Variants in ERCC6L2 observed in about 807,000 individuals in gnomAD.
ERCC6L2 encodes DNA excision repair protein ERCC-6-like 2.
Under a neutral mutation model 132.0 loss-of-function variants are expected in ERCC6L2, and 77 were observed. The observed-to-expected ratio is 0.58, with a 90% CI of 0.49 to 0.71. The LOEUF is 0.71. ERCC6L2 is among the 30% of genes least tolerant of loss of function. The pLI is 0.00. For synonymous variants in ERCC6L2, 583 were observed against 632.4 expected, an observed-to-expected ratio of 0.92 and a Z score of 1.17; for missense variants, 1,542 against 1,837.6, an observed-to-expected ratio of 0.84 and a Z score of 2.94.
Position 95,958,636 on chromosome 9 carries a change from C to T in ERCC6L2, c.1947+2623C>T, listed in dbSNP as rs1447588531. ...GGTGAGCATTTTTTCATGAGTTTTT[C>T]GCTGCAAAAATCTCCTTAAGCTGAT... On this transcript the variant is annotated intron_variant, in intron 13 of 18. Transcript: ENST00000653738. Among the ~76,000 whole-genome samples the T allele has an allele frequency of 4.6e-5, 7 of 151,832 alleles. 1 individual carries two copies. The highest frequency in any genetic ancestry group is 1.3e-4 in the Admixed American group (2 of 15,214).
At chr9:95,951,736 A>G (rs1042531675) in intron 12 of ERCC6L2, among the ~76,000 whole-genome samples, 1 of 146,590 alleles carries the variant, frequency 6.8e-6, no homozygotes, top group African/African-American at 2.6e-5. Context: ...CAACCTAGGA[A>G]GAATGTCATG....
At position 95,923,607 on chromosome 9, in the gene ERCC6L2, C is replaced by G. The variant is rs548545187; in HGVS notation, c.1533+228C>G. Among the ~76,000 whole-genome samples, 66 of 152,276 alleles carry G rather than the reference C, an allele frequency of 4.3e-4. 2 individuals carry two copies. In the Middle Eastern group the frequency reaches 0.024, roughly 55 times the overall value. On this transcript the variant is annotated intron_variant, in intron 9 of 18. Coordinates refer to ENST00000653738, the MANE Select transcript of ERCC6L2 (RefSeq NM_020207.7). The stretch of plus-strand genomic sequence containing the variant: ...TGTAGTAGTTGCTTCAAATATACTT[C>G]AAATTTTCCTTATTGATATATTGGA...
At chr9:95,876,673 A>G (rs548585509) in intron 1 of ERCC6L2, 1 of 152,360 alleles carries the variant, frequency 6.6e-6, no homozygotes, top group African/African-American at 2.4e-5. Context: ...GTTTTCATTA[A>G]TAATTGTGCT....
At chr9:95,892,228 A>T (rs1221720112) in intron 2 of ERCC6L2, among the ~76,000 whole-genome samples, 3 of 152,084 alleles carry the variant, frequency 2.0e-5, no homozygotes, top group Admixed American at 6.5e-5. Context: ...ATTAATTAAT[A>T]AATTACTGCA....
chr9:96,008,402 G>T (rs1237601963), intron 18 of ERCC6L2, among the ~76,000 whole-genome samples: 1 of 152,196 alleles, frequency 6.6e-6, no homozygotes, highest in African/African-American at 2.4e-5. Context: ...TTGACTGGTA[G>T]TCTCTGAGTG....
intron 12 of ERCC6L2, among the ~76,000 whole-genome samples, chr9:95,948,817 A>AAGAAT (rs1189321283): frequency 6.6e-6 from 1 of 151,778 alleles, no homozygotes; most frequent in African/African-American, 2.4e-5. Flanking sequence ...AAGAAAAGAA[A>AAGAAT]AGAAAGAAAA....
intron 6 of ERCC6L2, 33 bp downstream of exon 6, chr9:95,916,467 G>T (rs750252567): frequency 2.1e-6 from 3 of 1,429,270 alleles, no homozygotes; most frequent in African/African-American, 2.9e-5. Flanking sequence ...TTATTAATTT[G>T]TGGTCATATT....
chr9:95,916,493 A>G (rs1470984137), intron 6 of ERCC6L2, 59 bp downstream of exon 6: 9 of 1,369,808 alleles, frequency 6.6e-6, no homozygotes, highest in East Asian at 2.6e-5. Context: ...TTTCCTTTTT[A>G]AGAAAAAGTC....
intron 14 of ERCC6L2, among the ~76,000 whole-genome samples, 190 bp from the exon 15 acceptor site, chr9:95,970,386 T>A (rs565918599): frequency 6.6e-6 from 1 of 152,326 alleles, no homozygotes; most frequent in East Asian, 1.9e-4. Context: ...ATTTTTAGAA[T>A]GTTATATAAA....
chr9:95,912,015 G>T (rs909738517), intron 4 of ERCC6L2, among the ~76,000 whole-genome samples: 1 of 151,984 alleles, frequency 6.6e-6, no homozygotes, highest in Non-Finnish European at 1.5e-5. Flanking sequence ...TCTCTTGCCC[G>T]CTTTAGGATG....
Position 95,875,910 on chromosome 9 carries a change from A to G in ERCC6L2, c.-129A>G. ...TCCATCCTGTGGCTTCGGGTTGCCG[A>G]AGAGCGATGCTCGGAGGGCGGCCGG... On this transcript the variant is annotated 5_prime_UTR_variant, in exon 1 of 19. Coordinates refer to ENST00000653738, the MANE Select transcript of ERCC6L2 (RefSeq NM_020207.7). 1 of 1,002,996 alleles carries G rather than the reference A, an allele frequency of 1.0e-6. No individual in the cohort carries two copies. The allele number at this position is 1,002,996 out of a possible 1,614,324, so 62.1% of individuals were successfully genotyped here.
At position 95,941,527 on chromosome 9, in the gene ERCC6L2, A is replaced by G. The variant is rs1830798767; in HGVS notation, c.1825A>G (p.Asn609Asp). The change falls in exon 12 of 19, where the codon AAT becomes GAT. Residue 609 changes from asparagine to aspartate, a missense_variant. This residue lies in a region of ERCC6L2 where 945 missense variants were observed against 1,105.2 expected (regional missense o/e 0.86). Coordinates refer to ENST00000653738, the MANE Select transcript of ERCC6L2 (RefSeq NM_020207.7). Reference sequence around the variant, plus strand: ...ATTTGATCCTACTTGGAATCCAGCCAATGATCTTCAAGCCATTGACAGGTA... The same window carrying G: ...ATTTGATCCTACTTGGAATCCAGCCGATGATCTTCAAGCCATTGACAGGTA... ...VLFDPTWNPA[N>D]DLQAIDRAYR... The G allele has an allele frequency of 1.2e-6, 2 of 1,612,928 alleles. No individual in the cohort carries two copies. Among genetic ancestry groups the G allele is most frequent in the Non-Finnish European group, 1.7e-6 (2 of 1,179,262 alleles).
chr9:96,006,645 G>A (rs1443773698), intron 18 of ERCC6L2, among the ~76,000 whole-genome samples: 5 of 152,216 alleles, frequency 3.3e-5, no homozygotes, highest in African/African-American at 1.2e-4. Flanking sequence ...TCATGTCAGA[G>A]AGGTGAAAAC....
intron 17 of ERCC6L2, among the ~76,000 whole-genome samples, chr9:95,998,094 C>T (rs1316043800): frequency 6.6e-6 from 1 of 152,132 alleles, no homozygotes; most frequent in Non-Finnish European, 1.5e-5. Context: ...TGGCCATATA[C>T]ACCTTTTCTG....
At chr9:95,899,590 T>TTATATATATATATATATA (rs150595611) in intron 3 of ERCC6L2, among the ~76,000 whole-genome samples, 20 of 138,480 alleles carry the variant, frequency 1.4e-4, no homozygotes, top group African/African-American at 5.6e-4. Context: ...TTTTTTCTCT[T>TTATATATATATATATATA]TATATATATA....
intron 17 of ERCC6L2, among the ~76,000 whole-genome samples, chr9:95,989,798 C>T (rs1405053368): frequency 6.6e-6 from 1 of 152,120 alleles, no homozygotes; most frequent in African/African-American, 2.4e-5. Context: ...AAGGTGCATA[C>T]CATTTTATAA....
intron 3 of ERCC6L2, among the ~76,000 whole-genome samples, chr9:95,903,285 C>T (rs1000064521): frequency 3.3e-5 from 5 of 152,136 alleles, no homozygotes; most frequent in Admixed American, 2.0e-4. Context: ...TATTTCTAGA[C>T]GTATTATTCT....
chr9:95,905,829 C>G (rs924832454), intron 3 of ERCC6L2, among the ~76,000 whole-genome samples: 1 of 152,080 alleles, frequency 6.6e-6, no homozygotes, highest in African/African-American at 2.4e-5. Context: ...GAAAACAGAG[C>G]AGAATTTAGA....
At chr9:95,935,681 T>A (rs16910382) in intron 11 of ERCC6L2, among the ~76,000 whole-genome samples, 18,383 of 152,072 alleles carry the variant, frequency 0.12, 1,250 homozygotes, top group African/African-American at 0.16. Context: ...AAAGCAACTT[T>A]AAATGTTTTG....
Sources: gnomAD v4.1 joint callset for allele counts (sites outside exome capture counted in the v4.1 genomes callset) on GRCh38, gnomAD v4.1.1 for gene constraint, gnomAD v4.1.1 regional missense constraint, MANE v1.5 for transcripts, NCBI Gene and HGNC (gene_info 2026-07-23, HGNC 2026-07-21) for gene names.